Variants in GRID1 observed in about 807,000 individuals in gnomAD.
GRID1 encodes glutamate receptor ionotropic, delta-1.
Under a neutral mutation model 98.0 loss-of-function variants are expected in GRID1, and 28 were observed. The ratio of observed to expected loss-of-function variants is 0.29; its 90% CI spans 0.21 to 0.39. The LOEUF (loss-of-function observed/expected upper bound fraction) is 0.39. Ranked by LOEUF, GRID1 falls within the 10% of genes least tolerant of loss-of-function variation. GRID1 has a pLI of 1.00. For synonymous variants in GRID1, 553 were observed against 538.5 expected (o/e 1.03, Z -0.37); for missense variants, 1,111 against 1,340.5 (o/e 0.83, Z 2.67).
chr10:86,038,529 A>G (rs953169977), intron 4 of GRID1, among the ~76,000 whole-genome samples: 2 of 152,220 alleles, frequency 1.3e-5, no homozygotes, highest in African/African-American at 4.8e-5. Flanking sequence ...CATGAGCCTC[A>G]AAGCCCATTA....
At chr10:85,709,101 C>A (rs1841555081) in intron 12 of GRID1, 1 of 338,694 alleles carries the variant, frequency 3.0e-6, no homozygotes, top group Non-Finnish European at 5.9e-6. Flanking sequence ...AAGGGAATGA[C>A]CCTGACTTTG....
intron 4 of GRID1, among the ~76,000 whole-genome samples, chr10:85,973,228 CT>C (rs1049896555): frequency 4.5e-4 from 69 of 152,056 alleles, no homozygotes; most frequent in African/African-American, 1.2e-3. Context: ...TTTCCCTTCA[CT>C]TTTTTTTCTT....
At chr10:85,696,756 C>CT (rs1228592230) in intron 12 of GRID1, among the ~76,000 whole-genome samples, 2 of 151,862 alleles carry the variant, frequency 1.3e-5, no homozygotes, top group Admixed American at 1.3e-4. Flanking sequence ...AAGCAAAACT[C>CT]TTTTTTTGTT....
rs571305871 is a variant in GRID1, at chr10:86,069,489, A to G, written c.726+69330T>C. On this transcript the variant is annotated intron_variant, in intron 4 of 15. Coordinates refer to ENST00000327946, the MANE Select transcript of GRID1 (RefSeq NM_017551.3). ...CGGTGAAACCCCGTCTCTACCAAACATACAAAAAATTGGCACGGTGTGGTG... is the reference window on the plus strand; with the variant it reads ...CGGTGAAACCCCGTCTCTACCAAACGTACAAAAAATTGGCACGGTGTGGTG... 2.6e-5 allele frequency among the ~76,000 whole-genome samples: 4 copies of G among 152,264 alleles called. No homozygotes were observed. In the East Asian group the frequency reaches 7.7e-4, roughly 29 times the overall value.
intron 4 of GRID1, among the ~76,000 whole-genome samples, chr10:86,086,276 C>A (rs1844055056): frequency 6.6e-6 from 1 of 152,152 alleles, no homozygotes; most frequent in Non-Finnish European, 1.5e-5. Flanking sequence ...TCCATGAGGG[C>A]TGGGGTCTGC....
intron 2 of GRID1, among the ~76,000 whole-genome samples, chr10:86,342,746 C>A (rs1848328324): frequency 6.6e-6 from 1 of 152,234 alleles, no homozygotes; most frequent in South Asian, 2.1e-4. Flanking sequence ...TGGCAGCATA[C>A]CCCTCAGCAT....
chr10:85,616,586 C>T (rs1842791570), intron 14 of GRID1, among the ~76,000 whole-genome samples: 1 of 152,114 alleles, frequency 6.6e-6, no homozygotes, highest in East Asian at 1.9e-4. Flanking sequence ...CCAATCTTAT[C>T]CCAGAATGAT....
chr10:85,998,782 T>C lies in GRID1; in HGVS notation c.727-82543A>G, dbSNP rs141458514. 3.2e-3 allele frequency among the ~76,000 whole-genome samples: 490 copies of C among 152,100 alleles called. 2 individuals are homozygous for C. Among genetic ancestry groups the C allele is most frequent in the African/African-American group, 0.011 (464 of 41,528 alleles). ...AGAAAAGAGAAAGAAAAGACACAAA[T>C]AACCAATTTTAGAAAAGTAAGATAA... On this transcript the variant is annotated intron_variant, in intron 4 of 15. Coordinates refer to ENST00000327946, the MANE Select transcript of GRID1 (RefSeq NM_017551.3).
rs115993068 is a variant in GRID1, at chr10:86,270,052, C to T, written c.236-63404G>A. Reference sequence around the variant, plus strand: ...TTATTTGTAGGTCTTCCTGGAACAGCGTTTATAATTGCATTCAATGAAAAC... The same window carrying T: ...TTATTTGTAGGTCTTCCTGGAACAGTGTTTATAATTGCATTCAATGAAAAC... On this transcript the variant is annotated intron_variant, in intron 2 of 15. Coordinates refer to ENST00000327946, the MANE Select transcript of GRID1 (RefSeq NM_017551.3). Among the ~76,000 whole-genome samples, 1,123 of 152,276 alleles carry T rather than the reference C, an allele frequency of 7.4e-3. 12 individuals are homozygous for T. Among genetic ancestry groups the T allele is most frequent in the African/African-American group, 0.024 (1,001 of 41,546 alleles).
intron 4 of GRID1, among the ~76,000 whole-genome samples, chr10:85,954,871 T>C (rs946818535): frequency 4.6e-5 from 7 of 152,234 alleles, no homozygotes; most frequent in Admixed American, 4.6e-4. Flanking sequence ...TTCCCCACGG[T>C]GTTGTGAAAT....
At chr10:86,131,144 C>G (rs1487307807) in intron 4 of GRID1, among the ~76,000 whole-genome samples, 1 of 152,078 alleles carries the variant, frequency 6.6e-6, no homozygotes, top group Non-Finnish European at 1.5e-5. Context: ...TTTAGATAAT[C>G]TCTCTCATTT....
chr10:86,002,804 T>C (rs1383873601), intron 4 of GRID1, among the ~76,000 whole-genome samples: 1 of 152,238 alleles, frequency 6.6e-6, no homozygotes, highest in African/African-American at 2.4e-5. Flanking sequence ...CCTTCCTCCA[T>C]TGGTTTGTTT....
chr10:86,146,450 A>G (rs1343090568), intron 3 of GRID1, among the ~76,000 whole-genome samples: 1 of 152,118 alleles, frequency 6.6e-6, no homozygotes, highest in Non-Finnish European at 1.5e-5. Flanking sequence ...ATGTCACCAT[A>G]GTTGTTGCAA....
At chr10:85,704,008 T>C (rs902771440) in intron 12 of GRID1, among the ~76,000 whole-genome samples, 5 of 152,182 alleles carry the variant, frequency 3.3e-5, no homozygotes, top group African/African-American at 9.7e-5. Context: ...TGGCTGGATA[T>C]GAAATTCTGG....
At chr10:86,008,513 G>A (rs549509086) in intron 4 of GRID1, among the ~76,000 whole-genome samples, 1 of 152,248 alleles carries the variant, frequency 6.6e-6, no homozygotes, top group East Asian at 1.9e-4. Context: ...AATTGACCAT[G>A]AATTTATGAA....
At chr10:85,918,575 T>C (rs772477488) in intron 4 of GRID1, among the ~76,000 whole-genome samples, 3 of 152,180 alleles carry the variant, frequency 2.0e-5, no homozygotes, top group African/African-American at 7.2e-5. Flanking sequence ...ACAGTTAAAG[T>C]GATCAGGGAT....
At chr10:85,636,115 T>C (rs901896689) in intron 13 of GRID1, among the ~76,000 whole-genome samples, 1 of 152,226 alleles carries the variant, frequency 6.6e-6, no homozygotes, top group African/African-American at 2.4e-5. Context: ...ATGGTAGCTG[T>C]TGTGATTAAA....
chr10:85,851,890 AT>A (rs1456357737), intron 8 of GRID1, among the ~76,000 whole-genome samples: 1 of 151,472 alleles, frequency 6.6e-6, no homozygotes, highest in Admixed American at 6.6e-5. Flanking sequence ...CCCATCCTCA[AT>A]TTTTTTCTCC....
intron 5 of GRID1, among the ~76,000 whole-genome samples, chr10:85,874,752 C>T (rs1382075241): frequency 6.6e-6 from 1 of 152,286 alleles, no homozygotes; most frequent in South Asian, 2.1e-4. Flanking sequence ...TGTGCATTCA[C>T]TGTTCATTTG....
Sources: allele counts gnomAD v4.1 joint callset (sites outside exome capture counted in the v4.1 genomes callset), GRCh38; gene constraint gnomAD v4.1.1; transcripts MANE v1.5; gene names NCBI Gene and HGNC (gene_info 2026-07-23, HGNC 2026-07-21).